The following MAF variants were observed in gnomAD, a reference collection of about 807,000 sequenced individuals.
MAF encodes the protein transcription factor Maf.
In MAF, 10 loss-of-function variants were observed where a neutral mutation model predicts 22.0. The ratio of observed to expected loss-of-function variants is 0.45; its 90% CI spans 0.28 to 0.77. The LOEUF is 0.77. MAF is among the 30% of genes least tolerant of loss of function. The pLI, the probability that MAF is intolerant of heterozygous loss-of-function variation, is 0.12. For synonymous variants in MAF, 337 were observed against 255.8 expected, an observed-to-expected ratio of 1.32 and a Z score of -3.03; for missense variants, 544 against 548.4, an observed-to-expected ratio of 0.99 and a Z score of 0.08.
chr16:79,289,308 G>A, the MAF span, among the ~76,000 whole-genome samples: 1 of 152,094 alleles, frequency 6.6e-6, no homozygotes, highest in Non-Finnish European at 1.5e-5. Context: ...CTGGGATGGC[G>A]GGAGGTAGAG....
chr16:79,598,769 C>G lies in MAF; in HGVS notation c.1118+16G>C, dbSNP rs368669661. On this transcript the variant is annotated intron_variant, in intron 1 of 1. Transcript: ENST00000326043. ...ACTTATCAGGGTGGCTAGCTGGAAT[C>G]GCGTGTCAGACTCACATGAAAAACT... 14 of 1,613,734 alleles carry G rather than the reference C, an allele frequency of 8.7e-6. No homozygotes were observed. Among genetic ancestry groups the G allele is most frequent in the Non-Finnish European group, 6.8e-6 (8 of 1,179,968 alleles).
chr16:79,569,497 T>C, the MAF span, among the ~76,000 whole-genome samples: 1 of 152,220 alleles, frequency 6.6e-6, no homozygotes. Flanking sequence ...AGTGCTCAAA[T>C]GTGGTCCCTG....
chr16:79,383,977 G>T, the MAF span, among the ~76,000 whole-genome samples: 107 of 152,228 alleles, frequency 7.0e-4, no homozygotes, highest in African/African-American at 2.5e-3. Context: ...AAGTCCAAAG[G>T]GCGTGGGTTG....
chr16:79,417,895 G>C, the MAF span, among the ~76,000 whole-genome samples: 22 of 152,244 alleles, frequency 1.4e-4, no homozygotes, highest in African/African-American at 5.1e-4. Flanking sequence ...TTTTCGCCTG[G>C]AAATGGGAAT....
At chr16:79,262,546 A>G in the MAF span, among the ~76,000 whole-genome samples, 17 of 152,284 alleles carry the variant, frequency 1.1e-4, no homozygotes, top group East Asian at 3.3e-3. Flanking sequence ...GCTCCAGCAG[A>G]GGATACAGCA....
the MAF span, among the ~76,000 whole-genome samples, chr16:79,533,093 A>G: frequency 2.0e-5 from 3 of 152,092 alleles, no homozygotes; most frequent in African/African-American, 4.8e-5. Flanking sequence ...TTTTCTCTCT[A>G]TATTTATCTA....
chr16:79,540,687 G>A, the MAF span, among the ~76,000 whole-genome samples: 2 of 152,204 alleles, frequency 1.3e-5, no homozygotes, highest in Non-Finnish European at 2.9e-5. Flanking sequence ...AAGGTCTAAT[G>A]AGGTTGACAA....
chr16:79,413,033 GA>G, the MAF span, among the ~76,000 whole-genome samples: 1 of 151,950 alleles, frequency 6.6e-6, no homozygotes, highest in South Asian at 2.1e-4. Context: ...AGTAAGTAGA[GA>G]AAAAAATATT....
the MAF span, among the ~76,000 whole-genome samples, chr16:79,461,057 T>C: frequency 3.2e-4 from 48 of 152,222 alleles, no homozygotes; most frequent in Non-Finnish European, 6.6e-4. Context: ...ATTTGTGAAC[T>C]TTTTGAACTT....
the MAF span, among the ~76,000 whole-genome samples, chr16:79,475,372 G>C: frequency 1.3e-5 from 2 of 151,616 alleles, no homozygotes; most frequent in Non-Finnish European, 2.9e-5. Flanking sequence ...ATGTGTGTGT[G>C]TGTGTGTGTG....
the MAF span, among the ~76,000 whole-genome samples, chr16:79,430,331 TC>T: frequency 2.6e-5 from 4 of 152,142 alleles, no homozygotes; most frequent in Admixed American, 2.0e-4. Context: ...GTCTGCACCT[TC>T]CCCCGGGCTG....
chr16:79,302,579 C>G, the MAF span, among the ~76,000 whole-genome samples: 5 of 152,222 alleles, frequency 3.3e-5, no homozygotes, highest in African/African-American at 1.2e-4. Context: ...CCAAGCACCT[C>G]CTTTCATAAA....
the MAF span, among the ~76,000 whole-genome samples, chr16:79,451,995 G>T: frequency 2.0e-5 from 1 of 49,410 alleles, no homozygotes; most frequent in Non-Finnish European, 5.0e-5. Flanking sequence ...GTCCGCAAAG[G>T]TTGACCTGGG....
the MAF span, among the ~76,000 whole-genome samples, chr16:79,432,620 G>C: frequency 6.6e-6 from 1 of 152,140 alleles, no homozygotes; most frequent in Non-Finnish European, 1.5e-5. Flanking sequence ...ATTTCAGAAT[G>C]TGACCTTATT....
downstream of MAF, chr16:79,585,830 GAAAAAA>G: frequency 5.8e-6 from 3 of 521,066 alleles, no homozygotes; most frequent in Admixed American, 3.8e-5. Context: ...CAAAGAAAAG[GAAAAAA>G]AAAAAAAAAC....
the MAF span, among the ~76,000 whole-genome samples, chr16:79,366,722 G>A: frequency 6.6e-6 from 1 of 152,208 alleles, no homozygotes; most frequent in Non-Finnish European, 1.5e-5. Context: ...TTCTCCATCA[G>A]TCTGGGTTCT....
chr16:79,233,811 G>A, the MAF span, among the ~76,000 whole-genome samples: 1 of 152,036 alleles, frequency 6.6e-6, no homozygotes, highest in South Asian at 2.1e-4. Context: ...GACCAACATG[G>A]TGAAACCCTG....
At chr16:79,598,747 T>A in intron 1 of MAF, 38 bp downstream of exon 1, 9 of 1,613,264 alleles carry the variant, frequency 5.6e-6, no homozygotes, top group Non-Finnish European at 7.6e-6. Context: ...GCGGAGCACT[T>A]ATCAGGGTGG....
At chr16:79,207,161 C>T in the MAF span, among the ~76,000 whole-genome samples, 9 of 152,336 alleles carry the variant, frequency 5.9e-5, no homozygotes, top group South Asian at 2.1e-4. Context: ...TCATCTCCAC[C>T]GCAGCAGCTC....
Sources: gnomAD v4.1 joint callset for allele counts (sites outside exome capture counted in the v4.1 genomes callset) on GRCh38, gnomAD v4.1.1 for gene constraint, MANE v1.5 for transcripts, NCBI Gene and HGNC (gene_info 2026-07-23, HGNC 2026-07-21) for gene names.